Variants in SYT1 observed in about 807,000 individuals in gnomAD.
SYT1 encodes the protein synaptotagmin-1.
SYT1 carries 8 observed loss-of-function variants against 44.8 expected under a neutral mutation model. That is an observed-to-expected ratio of 0.18 (90% confidence interval 0.10 to 0.32). The LOEUF is 0.32. SYT1 is among the 10% of genes least tolerant of loss of function. The pLI, the probability that SYT1 is intolerant of heterozygous loss-of-function variation, is 1.00. For synonymous variants in SYT1, 154 were observed against 188.8 expected (o/e 0.82, Z 1.51); for missense variants, 286 against 509.3 (o/e 0.56, Z 4.22).
chr12:78,895,151 T>A (rs1875288357), intron 1 of SYT1, among the ~76,000 whole-genome samples: 1 of 151,680 alleles, frequency 6.6e-6, no homozygotes, highest in African/African-American at 2.4e-5. Context: ...GCAAAATACT[T>A]AGAAAATAAA....
At chr12:79,318,097 TTC>T (rs1443001421) in intron 8 of SYT1, among the ~76,000 whole-genome samples, 2 of 152,226 alleles carry the variant, frequency 1.3e-5, no homozygotes, top group African/African-American at 4.8e-5. Flanking sequence ...GCACTGACCA[TTC>T]TCCTAAATTT....
At position 79,311,554 on chromosome 12, in the gene SYT1, A is replaced by G. The variant is rs534499462; in HGVS notation, c.810+12003A>G. ...AAGGACTATAAATCATGCTGCTATA[A>G]AGACACATGCACCCGTATGTTTATT... On this transcript the variant is annotated intron_variant, in intron 8 of 10. Transcript: ENST00000261205. Among the ~76,000 whole-genome samples the G allele has an allele frequency of 1.1e-4, 17 of 148,064 alleles. No homozygotes were observed. The East Asian group carries it at 3.2e-3, about 27-fold the overall frequency.
chr12:79,266,077 T>C (rs1878109708), intron 4 of SYT1, among the ~76,000 whole-genome samples: 1 of 152,210 alleles, frequency 6.6e-6, no homozygotes, highest in South Asian at 2.1e-4. Flanking sequence ...ATGCTTACAC[T>C]ATAGGTAAAC....
intron 2 of SYT1, among the ~76,000 whole-genome samples, chr12:79,013,568 G>A (rs1871563801): frequency 6.6e-6 from 1 of 152,162 alleles, no homozygotes; most frequent in South Asian, 2.1e-4. Flanking sequence ...CATCTTCTCT[G>A]CAAGCATCTG....
intron 8 of SYT1, among the ~76,000 whole-genome samples, chr12:79,340,405 C>A (rs1272501634): frequency 1.3e-5 from 2 of 152,030 alleles, no homozygotes; most frequent in Admixed American, 1.3e-4. Context: ...AAGTTGGATT[C>A]CTAGGTATTT....
intron 1 of SYT1, among the ~76,000 whole-genome samples, chr12:78,933,095 T>C (rs554874539): frequency 9.9e-5 from 15 of 152,180 alleles, no homozygotes; most frequent in Non-Finnish European, 1.9e-4. Flanking sequence ...ATTTTTAACT[T>C]ACTCTTCTCG....
At chr12:79,259,439 CAAAAG>C (rs1335252663) in intron 4 of SYT1, among the ~76,000 whole-genome samples, 1 of 152,026 alleles carries the variant, frequency 6.6e-6, no homozygotes, top group African/African-American at 2.4e-5. Flanking sequence ...AAGATAATGA[CAAAAG>C]AAAAGAAGGC....
intron 1 of SYT1, among the ~76,000 whole-genome samples, chr12:78,928,271 G>A (rs1293900308): frequency 6.6e-6 from 1 of 152,068 alleles, no homozygotes; most frequent in Non-Finnish European, 1.5e-5. Flanking sequence ...CCCAATTGCT[G>A]TCAATCTTCC....
intron 8 of SYT1, among the ~76,000 whole-genome samples, chr12:79,319,067 A>G (rs1260546041): frequency 1.3e-5 from 2 of 152,194 alleles, no homozygotes; most frequent in East Asian, 1.9e-4. Flanking sequence ...GCTGTGTCAC[A>G]CTGATGTTCT....
intron 3 of SYT1, among the ~76,000 whole-genome samples, chr12:79,194,045 C>T (rs1171961335): frequency 6.6e-6 from 1 of 152,138 alleles, no homozygotes; most frequent in East Asian, 1.9e-4. Context: ...AGCACTGCAA[C>T]TCGTATAAAA....
At chr12:79,300,825 T>TATA (rs1880115546) in intron 8 of SYT1, among the ~76,000 whole-genome samples, 1 of 72,434 alleles carries the variant, frequency 1.4e-5, no homozygotes, top group African/African-American at 4.5e-5. Flanking sequence ...ATATATATAT[T>TATA]TACTGTCTCA....
intron 1 of SYT1, among the ~76,000 whole-genome samples, chr12:78,912,910 T>C (rs1204581281): frequency 6.6e-6 from 1 of 151,894 alleles, no homozygotes; most frequent in Non-Finnish European, 1.5e-5. Flanking sequence ...TGTCCATTGA[T>C]TGAAAATATG....
intron 3 of SYT1, among the ~76,000 whole-genome samples, chr12:79,195,246 A>C (rs1341742293): frequency 6.6e-6 from 1 of 152,140 alleles, no homozygotes; most frequent in East Asian, 1.9e-4. Context: ...ACCTTTGAAA[A>C]ATGTTTGCTA....
At chr12:78,929,014 G>C (rs1877463826) in intron 1 of SYT1, among the ~76,000 whole-genome samples, 1 of 151,842 alleles carries the variant, frequency 6.6e-6, no homozygotes, top group Non-Finnish European at 1.5e-5. Context: ...TGAAACTTAA[G>C]ATTGTTAACT....
chr12:79,382,851 A>T (rs1348452685), intron 9 of SYT1, among the ~76,000 whole-genome samples: 1 of 152,210 alleles, frequency 6.6e-6, no homozygotes, highest in African/African-American at 2.4e-5. Flanking sequence ...TTACTAAACA[A>T]ACTCAAATAT....
intron 8 of SYT1, among the ~76,000 whole-genome samples, chr12:79,338,725 G>A (rs1238518103): frequency 1.4e-5 from 2 of 148,038 alleles, no homozygotes; most frequent in Non-Finnish European, 3.0e-5. Flanking sequence ...CAATGTGCAG[G>A]TTTGTTACAT....
intron 4 of SYT1, among the ~76,000 whole-genome samples, chr12:79,271,407 A>G (rs1259099481): frequency 6.6e-6 from 1 of 152,190 alleles, no homozygotes; most frequent in Non-Finnish European, 1.5e-5. Flanking sequence ...CTAAATTTGT[A>G]TACAGGAGCC....
intron 7 of SYT1, 141 bp downstream of exon 7, chr12:79,296,377 T>G (rs1274210997): frequency 2.4e-6 from 2 of 834,996 alleles, no homozygotes; most frequent in Non-Finnish European, 3.6e-6. Context: ...GCAAAATTCT[T>G]ATCTTCACTA....
intron 9 of SYT1, among the ~76,000 whole-genome samples, chr12:79,410,506 C>CAAAAAAAAAAAAAAAAAAAAAAAAAAGA (rs5799432): frequency 4.0e-5 from 3 of 75,912 alleles, no homozygotes; most frequent in Non-Finnish European, 2.4e-5. Flanking sequence ...TGTTCAAAGT[C>CAAAAAAAAAAAAAAAAAAAAAAAAAAGA]AAAAAAAAAA....
Sources: allele counts gnomAD v4.1 joint callset (sites outside exome capture counted in the v4.1 genomes callset), GRCh38; gene constraint gnomAD v4.1.1; transcripts MANE v1.5; gene names NCBI Gene and HGNC (gene_info 2026-07-23, HGNC 2026-07-21).